GLRA3: variants seen among roughly 807,000 people sequenced by gnomAD.
GLRA3 encodes the protein glycine receptor subunit alpha-3.
GLRA3 carries 44 observed loss-of-function variants against 60.4 expected under a neutral mutation model. That is an observed-to-expected ratio of 0.73 (90% CI 0.57 to 0.94). GLRA3 has a LOEUF of 0.94. GLRA3 is among the 40% of genes least tolerant of loss of function. GLRA3 has a pLI of 0.00. For missense variants in GLRA3, 508 were observed against 564.6 expected, an observed-to-expected ratio of 0.90 and a Z score of 1.02; for synonymous variants, 223 against 192.9, an observed-to-expected ratio of 1.16 and a Z score of -1.29.
chr4:174,828,716 G>T (rs752428196), intron 1 of GLRA3, 25 bp downstream of exon 1: 7 of 1,488,766 alleles, frequency 4.7e-6, no homozygotes, highest in South Asian at 3.4e-5. Context: ...TGAGTTCTCC[G>T]ACTGTTAAAT....
intron 1 of GLRA3, among the ~76,000 whole-genome samples, chr4:174,796,770 C>T (rs1424681409): frequency 1.3e-5 from 2 of 152,080 alleles, no homozygotes; most frequent in African/African-American, 2.4e-5. Flanking sequence ...CTCTTGATTT[C>T]GTGATCCACC....
At chr4:174,754,971 C>T (rs1737634073) in intron 3 of GLRA3, among the ~76,000 whole-genome samples, 1 of 152,020 alleles carries the variant, frequency 6.6e-6, no homozygotes, top group South Asian at 2.1e-4. Context: ...TAGAATTACA[C>T]TGAAAGATTT....
intron 1 of GLRA3, among the ~76,000 whole-genome samples, chr4:174,791,363 C>T (rs1194647424): frequency 1.3e-5 from 2 of 152,112 alleles, no homozygotes; most frequent in East Asian, 1.9e-4. Context: ...GACCTACTCA[C>T]ACCTTGATTT....
At chr4:174,669,832 TC>T in intron 7 of GLRA3, among the ~76,000 whole-genome samples, 1 of 152,260 alleles carries the variant, frequency 6.6e-6, no homozygotes, top group Non-Finnish European at 1.5e-5. Flanking sequence ...CACCTCAGCC[TC>T]CCAAAGTGCT....
chr4:174,767,555 A>G (rs1253560901), intron 2 of GLRA3, among the ~76,000 whole-genome samples: 1 of 152,132 alleles, frequency 6.6e-6, no homozygotes, highest in Non-Finnish European at 1.5e-5. Flanking sequence ...CCAATATGGT[A>G]AAGTTTTCAT....
intron 3 of GLRA3, among the ~76,000 whole-genome samples, chr4:174,740,776 A>C (rs1366228094): frequency 6.6e-6 from 1 of 151,990 alleles, no homozygotes; most frequent in Non-Finnish European, 1.5e-5. Context: ...CCATCCCTAC[A>C]CCTATTCCCT....
At chr4:174,684,940 C>T (rs989488311) in intron 5 of GLRA3, among the ~76,000 whole-genome samples, 16 of 151,940 alleles carry the variant, frequency 1.1e-4, no homozygotes, top group African/African-American at 2.2e-4. Flanking sequence ...ACCTGGGAGG[C>T]GGAGGTTGTA....
At chr4:174,779,132 GC>G (rs1738753615) in intron 2 of GLRA3, among the ~76,000 whole-genome samples, 1 of 152,212 alleles carries the variant, frequency 6.6e-6, no homozygotes, top group African/African-American at 2.4e-5. Flanking sequence ...CTGAGAACGG[GC>G]AGACTGCTTC....
intron 5 of GLRA3, among the ~76,000 whole-genome samples, chr4:174,691,194 T>G (rs1005097256): frequency 6.6e-6 from 1 of 152,220 alleles, no homozygotes; most frequent in Non-Finnish European, 1.5e-5. Context: ...TTTTTTTGAC[T>G]TTTTAGTAAT....
Position 174,677,282 on chromosome 4 carries a change from C to A in GLRA3, c.723G>T (p.Thr241=), listed in dbSNP as rs116414284. 10 of 1,597,946 alleles carry A rather than the reference C, an allele frequency of 6.3e-6. No individual in the cohort carries two copies. The East Asian group carries it at 2.2e-4, about 36-fold the overall frequency. ...CCAGATGGAATCGCACTTCTATACA[C>A]GTAAACTTTCCTAATTGGTGGTAAG... The part of the protein sequence containing the change: ...CTKHYNTGKF[T]CIEVRFHLER... Residue 241 remains threonine, a synonymous_variant, in exon 7 of 10, where the codon ACG becomes ACT. Transcript: ENST00000274093.
chr4:174,737,872 T>G (rs1736867167), intron 3 of GLRA3, among the ~76,000 whole-genome samples: 1 of 152,232 alleles, frequency 6.6e-6, no homozygotes, highest in Non-Finnish European at 1.5e-5. Flanking sequence ...TTCAGAAATT[T>G]AAACCACTTA....
intron 5 of GLRA3, among the ~76,000 whole-genome samples, chr4:174,703,297 A>G (rs1208703545): frequency 1.3e-5 from 2 of 152,140 alleles, no homozygotes; most frequent in East Asian, 3.9e-4. Flanking sequence ...GTATAAAGGA[A>G]GCAGTGGAGC....
intron 1 of GLRA3, among the ~76,000 whole-genome samples, chr4:174,816,565 G>T (rs888197895): frequency 1.3e-5 from 2 of 151,470 alleles, no homozygotes; most frequent in Non-Finnish European, 2.9e-5. Flanking sequence ...GTTACTAAAA[G>T]AATAAATATG....
At chr4:174,684,837 G>A (rs1037464812) in intron 5 of GLRA3, among the ~76,000 whole-genome samples, 2 of 152,160 alleles carry the variant, frequency 1.3e-5, no homozygotes, top group Non-Finnish European at 1.5e-5. Flanking sequence ...GTGAAAGCCC[G>A]TTTCTACTAA....
intron 3 of GLRA3, among the ~76,000 whole-genome samples, chr4:174,757,333 A>G (rs1240359711): frequency 6.6e-6 from 1 of 152,112 alleles, no homozygotes; most frequent in Non-Finnish European, 1.5e-5. Context: ...CCTAGACGCA[A>G]TGAAACCTCT....
chr4:174,788,590 T>TAAAAAAAAAAAAAAAAAAAAAAAAGAAA (rs35640897), intron 2 of GLRA3, among the ~76,000 whole-genome samples: 1 of 87,874 alleles, frequency 1.1e-5, no homozygotes, highest in Admixed American at 1.4e-4. Context: ...GTTAGAGAAG[T>TAAAAAAAAAAAAAAAAAAAAAAAAGAAA]AAAAAAAAAA....
chr4:174,717,356 AAAG>A (rs958256132), intron 4 of GLRA3, among the ~76,000 whole-genome samples: 1 of 129,242 alleles, frequency 7.7e-6, no homozygotes, highest in Non-Finnish European at 1.8e-5. Flanking sequence ...GGGAGGAAAG[AAAG>A]AAGGAAAGGA....
chr4:174,800,605 C>T (rs1032631198), intron 1 of GLRA3, among the ~76,000 whole-genome samples: 2 of 151,954 alleles, frequency 1.3e-5, no homozygotes, highest in Non-Finnish European at 2.9e-5. Context: ...AACCAAACCC[C>T]CCCCGCCAAA....
chr4:174,785,936 G>GTTTTTTTTTT (rs752488665), intron 2 of GLRA3, among the ~76,000 whole-genome samples: 2 of 103,472 alleles, frequency 1.9e-5, no homozygotes, highest in African/African-American at 3.7e-5. Flanking sequence ...TGCCTGGCTA[G>GTTTTTTTTTT]TTTTTTTTTT....
Sources: allele counts gnomAD v4.1 joint callset (sites outside exome capture counted in the v4.1 genomes callset), GRCh38; gene constraint gnomAD v4.1.1; transcripts MANE v1.5; gene names NCBI Gene and HGNC (gene_info 2026-07-23, HGNC 2026-07-21).